PHF20L1: variants seen among roughly 807,000 people sequenced by gnomAD.
PHF20L1 encodes the protein PHD finger protein 20-like protein 1.
In PHF20L1, 44 loss-of-function variants were observed where a neutral mutation model predicts 125.5. That is an observed-to-expected ratio of 0.35 (90% CI 0.28 to 0.45). The LOEUF (loss-of-function observed/expected upper bound fraction) is 0.45, where lower values mean the gene tolerates loss of function less well. PHF20L1 is among the 20% of genes least tolerant of loss of function. The pLI is 1.00. For synonymous variants in PHF20L1, 380 were observed against 403.1 expected (o/e 0.94, Z 0.69); for missense variants, 1,012 against 1,217.2 (o/e 0.83, Z 2.51).
At chr8:132,777,676 C>T in intron 1 of PHF20L1, 116 bp from the exon 2 acceptor site, 1 of 557,774 alleles carries the variant, frequency 1.8e-6, no homozygotes, top group Non-Finnish European at 3.2e-6. Context: ...GCAAGTATTT[C>T]ATATTCTCAT....
At chr8:132,824,704 A>G (rs1372819012) in intron 13 of PHF20L1, 1 of 174,162 alleles carries the variant, frequency 5.7e-6, no homozygotes, top group African/African-American at 2.4e-5. Flanking sequence ...AGAATGCTTT[A>G]CAATTTTGGA....
chr8:132,779,043 C>T (rs1267026569), intron 2 of PHF20L1, among the ~76,000 whole-genome samples: 1 of 152,202 alleles, frequency 6.6e-6, no homozygotes, highest in African/African-American at 2.4e-5. Context: ...ATAGACCAGG[C>T]TGGGGTTTCT....
At chr8:132,797,601 G>A (rs1313248775) in intron 4 of PHF20L1, among the ~76,000 whole-genome samples, 1 of 152,044 alleles carries the variant, frequency 6.6e-6, no homozygotes, top group Non-Finnish European at 1.5e-5. Flanking sequence ...TGTACACAGA[G>A]TTTGGCATTC....
chr8:132,777,258 A>G (rs1360877819), intron 1 of PHF20L1, among the ~76,000 whole-genome samples: 2 of 152,220 alleles, frequency 1.3e-5, no homozygotes, highest in Admixed American at 1.3e-4. Flanking sequence ...AATTAGTGGT[A>G]TCTTCACTGG....
At chr8:132,820,590 A>G (rs968495754) in intron 12 of PHF20L1, among the ~76,000 whole-genome samples, 9 of 151,482 alleles carry the variant, frequency 5.9e-5, no homozygotes, top group African/African-American at 2.2e-4. Flanking sequence ...CCTCTTAAAA[A>G]CTCTGGAGAG....
intron 8 of PHF20L1, chr8:132,807,603 TTG>T (rs1833883266): frequency 2.6e-6 from 1 of 391,314 alleles, no homozygotes; most frequent in Non-Finnish European, 5.0e-6. Context: ...AGCAAGAAGA[TTG>T]TGTTTTGGAA....
intron 12 of PHF20L1, among the ~76,000 whole-genome samples, chr8:132,820,335 C>G (rs1316518867): frequency 6.6e-6 from 1 of 151,778 alleles, no homozygotes; most frequent in Non-Finnish European, 1.5e-5. Context: ...ACTCTTGGTT[C>G]AGGTTCTCAC....
At chr8:132,809,572 A>G (rs1834128204) in intron 8 of PHF20L1, 1 of 152,202 alleles carries the variant, frequency 6.6e-6, no homozygotes, top group African/African-American at 2.4e-5. Flanking sequence ...CCTTTACATC[A>G]TACTGCCTTT....
At chr8:132,837,674 A>C (rs749794478) in intron 16 of PHF20L1, 38 bp from the exon 17 acceptor site, 1 of 1,494,178 alleles carries the variant, frequency 6.7e-7, no homozygotes, top group East Asian at 2.3e-5. Context: ...ATTCCTAGTG[A>C]GGATCGGGTG....
chr8:132,833,414 C>T (rs1261803569), intron 15 of PHF20L1, among the ~76,000 whole-genome samples: 1 of 152,040 alleles, frequency 6.6e-6, no homozygotes, highest in Non-Finnish European at 1.5e-5. Flanking sequence ...GAAGTTACCA[C>T]CACCCTTTTC....
chr8:132,839,812 T>G (rs1837745093), intron 18 of PHF20L1, among the ~76,000 whole-genome samples: 1 of 152,182 alleles, frequency 6.6e-6, no homozygotes. Context: ...CGGCATCTAG[T>G]ATTTCAACAC....
chr8:132,778,905 C>CA (rs1830122732), intron 2 of PHF20L1, among the ~76,000 whole-genome samples: 2 of 152,160 alleles, frequency 1.3e-5, no homozygotes, highest in Non-Finnish European at 1.5e-5. Context: ...GACTTTTTGA[C>CA]ATTTTCTCTG....
At chr8:132,778,174 C>T (rs563339730) in intron 2 of PHF20L1, among the ~76,000 whole-genome samples, 7 of 152,098 alleles carry the variant, frequency 4.6e-5, no homozygotes, top group Admixed American at 6.5e-5. Context: ...CTAGAGTATG[C>T]GGTTTATGTA....
At chr8:132,780,867 C>T in intron 2 of PHF20L1, among the ~76,000 whole-genome samples, 1 of 134,978 alleles carries the variant, frequency 7.4e-6, no homozygotes, top group Non-Finnish European at 1.6e-5. Flanking sequence ...TTTTTTGAGA[C>T]AGAGTCTTTT....
chr8:132,832,487 G>A (rs1836881052), intron 15 of PHF20L1, 88 bp downstream of exon 15: 5 of 923,332 alleles, frequency 5.4e-6, no homozygotes, highest in South Asian at 3.9e-5. Flanking sequence ...AAGAGCATGC[G>A]ATTTAAAAAC....
intron 2 of PHF20L1, 93 bp downstream of exon 2, chr8:132,778,004 A>G: frequency 6.4e-6 from 5 of 781,278 alleles, no homozygotes; most frequent in Non-Finnish European, 8.9e-6. Flanking sequence ...ATGGTAGCAG[A>G]AACATCAGTG....
At chr8:132,816,359 T>C (rs1834979824) in intron 10 of PHF20L1, 1 of 151,686 alleles carries the variant, frequency 6.6e-6, no homozygotes. Context: ...CCCAGACATG[T>C]TTATAAAACT....
At position 132,847,251 on chromosome 8, in the gene PHF20L1, T is replaced by C. The variant is rs945000149; in HGVS notation, c.*1328T>C. 6.6e-6 allele frequency: 1 copy of C among 152,606 alleles called. No individual in the cohort carries two copies. Among genetic ancestry groups the C allele is most frequent in the African/African-American group, 2.4e-5 (1 of 41,446 alleles). The allele number at this position is 152,606 out of a possible 1,614,324, so 9.5% of individuals were successfully genotyped here. ...GTTTTATTACTATAGACTATACGAA[T>C]TGGTGGTTAACATGAAATGTTACCT... is the stretch of plus-strand genomic sequence containing the variant. On this transcript the variant is annotated 3_prime_UTR_variant, in exon 21 of 21. Coordinates refer to ENST00000395386, the MANE Select transcript of PHF20L1 (RefSeq NM_016018.5).
intron 6 of PHF20L1, chr8:132,799,703 T>A (rs895801867): frequency 1.3e-5 from 2 of 151,956 alleles, no homozygotes; most frequent in African/African-American, 4.8e-5. Context: ...TGAAATTACC[T>A]GGTCAGCTTC....
Sources: allele counts gnomAD v4.1 joint callset (sites outside exome capture counted in the v4.1 genomes callset), GRCh38; gene constraint gnomAD v4.1.1; transcripts MANE v1.5; gene names NCBI Gene and HGNC (gene_info 2026-07-23, HGNC 2026-07-21).